CAPS2: variants seen among roughly 807,000 people sequenced by gnomAD.
The protein encoded by CAPS2 is calcyphosin-2.
CAPS2 carries 98 observed loss-of-function variants against 86.5 expected under a neutral mutation model. The observed-to-expected ratio is 1.13, with a 90% CI of 0.96 to 1.34. The LOEUF is 1.34. CAPS2 is among the 40% of genes most tolerant of loss of function. The pLI is 0.00. For synonymous variants in CAPS2, 210 were observed against 225.1 expected, an observed-to-expected ratio of 0.93 and a Z score of 0.60; for missense variants, 729 against 686.8, an observed-to-expected ratio of 1.06 and a Z score of -0.69.
intron 1 of CAPS2, among the ~76,000 whole-genome samples, chr12:75,346,619 G>A (rs1009979355): frequency 2.6e-5 from 4 of 152,118 alleles, no homozygotes; most frequent in African/African-American, 7.2e-5. Context: ...TCGAACTCCT[G>A]ACCTCGCAAT....
Position 75,306,969 on chromosome 12 carries a change from A to G in CAPS2, c.660-2093T>C, listed in dbSNP as rs554154674. Among the ~76,000 whole-genome samples the G allele has an allele frequency of 1.5e-3, 232 of 152,164 alleles. 3 individuals carry two copies. The highest frequency in any genetic ancestry group is 1.2e-3 in the East Asian group (6 of 5,158). ...TTGACTACAAGTTAGCACTCAGAGGAGAAGGAGTAAGGGTACCACAAGCAG... is the reference window on the plus strand; with the variant it reads ...TTGACTACAAGTTAGCACTCAGAGGGGAAGGAGTAAGGGTACCACAAGCAG... On this transcript the variant is annotated intron_variant, in intron 7 of 16. Coordinates refer to ENST00000393284, the Ensembl canonical transcript of CAPS2.
At chr12:75,321,742 C>A (rs2040324529) in intron 4 of CAPS2, among the ~76,000 whole-genome samples, 166 bp from the exon 5 acceptor site, 1 of 152,118 alleles carries the variant, frequency 6.6e-6, no homozygotes, top group African/African-American at 2.4e-5. Context: ...CTGGTACAGA[C>A]AGCATCACTG....
At chr12:75,288,445 T>C (rs1347382249) in intron 14 of CAPS2, among the ~76,000 whole-genome samples, 2 of 152,178 alleles carry the variant, frequency 1.3e-5, no homozygotes, top group African/African-American at 2.4e-5. Flanking sequence ...GTTAAAAGAC[T>C]GGTCCAAGAT....
chr12:75,294,605 T>C (rs562746712), intron 11 of CAPS2, among the ~76,000 whole-genome samples: 4 of 152,150 alleles, frequency 2.6e-5, no homozygotes, highest in Admixed American at 6.5e-5. Flanking sequence ...AGTTTGTTTT[T>C]TCCCCCTCCC....
intron 1 of CAPS2, among the ~76,000 whole-genome samples, chr12:75,367,906 G>T (rs2044092146): frequency 6.6e-6 from 1 of 152,044 alleles, no homozygotes; most frequent in African/African-American, 2.4e-5. Context: ...TTTCACCATT[G>T]TGTATGTTTG....
intron 7 of CAPS2, among the ~76,000 whole-genome samples, chr12:75,311,075 C>T (rs777561133): frequency 1.5e-4 from 23 of 152,132 alleles, no homozygotes; most frequent in Non-Finnish European, 2.5e-4. Flanking sequence ...ATAATTAATA[C>T]GTGAGCCTCG....
intron 1 of CAPS2, among the ~76,000 whole-genome samples, chr12:75,341,639 G>A (rs373629491): frequency 3.4e-4 from 51 of 151,728 alleles, no homozygotes; most frequent in African/African-American, 1.1e-3. Context: ...GTGGAGACGC[G>A]GTTTCACCGT....
At chr12:75,338,832 A>G (rs2041909915) in intron 1 of CAPS2, among the ~76,000 whole-genome samples, 1 of 151,790 alleles carries the variant, frequency 6.6e-6, no homozygotes, top group African/African-American at 2.4e-5. Context: ...GCTCCCACTT[A>G]TAAGTGAGAA....
chr12:75,367,162 AAAAGGCGGGGGGTTCTC>A, intron 1 of CAPS2: 1 of 618,454 alleles, frequency 1.6e-6, no homozygotes, highest in Non-Finnish European at 2.9e-6. Flanking sequence ...TAGGGTACCC[AAAAGGCGGGGGGTTCTC>A]CTTGGCTTTA....
chr12:75,301,554 T>C (rs938597779), intron 8 of CAPS2, among the ~76,000 whole-genome samples: 1 of 152,248 alleles, frequency 6.6e-6, no homozygotes, highest in Non-Finnish European at 1.5e-5. Context: ...TTAATGTGTA[T>C]TGGTTTATTT....
chr12:75,296,686 T>C (rs2036950142), intron 11 of CAPS2, among the ~76,000 whole-genome samples: 1 of 152,142 alleles, frequency 6.6e-6, no homozygotes. Context: ...AAGGAGTGTT[T>C]AGAAAGACTT....
chr12:75,278,645 T>C, exon 17 of CAPS2: 2 of 1,170,222 alleles, frequency 1.7e-6, no homozygotes, highest in East Asian at 3.8e-5. Flanking sequence ...TCTTTACAAA[T>C]GTAAGGACAT....
At chr12:75,326,473 G>A (rs1157267062) in exon 1 of CAPS2, 1 of 1,545,400 alleles carries the variant, frequency 6.5e-7, no homozygotes, top group East Asian at 2.4e-5. Flanking sequence ...AGAAGTGGCA[G>A]CAACTCCTTT....
chr12:75,324,526 T>G (rs1306589756), intron 2 of CAPS2, among the ~76,000 whole-genome samples: 3 of 152,120 alleles, frequency 2.0e-5, no homozygotes, highest in Non-Finnish European at 4.4e-5. Context: ...TGTTACTTAC[T>G]CGATATCTTG....
chr12:75,323,856 G>A (rs939163303), intron 2 of CAPS2, among the ~76,000 whole-genome samples: 6 of 152,218 alleles, frequency 3.9e-5, no homozygotes, highest in Non-Finnish European at 4.4e-5. Flanking sequence ...TGTTTATCCC[G>A]TCTCTATGGT....
At chr12:75,339,662 G>A (rs141996820) in intron 1 of CAPS2, among the ~76,000 whole-genome samples, 4 of 152,136 alleles carry the variant, frequency 2.6e-5, no homozygotes, top group East Asian at 3.9e-4. Context: ...ATATTTGCCC[G>A]TGCCTATGTC....
chr12:75,327,566 CTGTTT>C (rs1199956806), upstream of CAPS2, among the ~76,000 whole-genome samples: 1 of 151,314 alleles, frequency 6.6e-6, no homozygotes, highest in Non-Finnish European at 1.5e-5. Context: ...TAAATTATTT[CTGTTT>C]TGTTTTTTAA....
chr12:75,281,828 T>A (rs1195049149), intron 16 of CAPS2, among the ~76,000 whole-genome samples: 1 of 152,110 alleles, frequency 6.6e-6, no homozygotes, highest in East Asian at 1.9e-4. Flanking sequence ...TTTTGATAGA[T>A]ATATGTATGT....
intron 1 of CAPS2, among the ~76,000 whole-genome samples, chr12:75,387,645 A>T (rs2045360227): frequency 6.6e-6 from 1 of 152,194 alleles, no homozygotes; most frequent in South Asian, 2.1e-4. Context: ...TCAAGGGGCC[A>T]TATCTGGTGT....
Sources: allele counts gnomAD v4.1 joint callset (sites outside exome capture counted in the v4.1 genomes callset), GRCh38; gene constraint gnomAD v4.1.1; transcripts MANE v1.5; gene names NCBI Gene and HGNC (gene_info 2026-07-23, HGNC 2026-07-21).